ARFGEF1: variants seen among roughly 807,000 people sequenced by gnomAD.
ARFGEF1 encodes the protein brefeldin A-inhibited guanine nucleotide-exchange protein 1.
A neutral mutation model predicts 231.0 loss-of-function variants in ARFGEF1; 42 were observed. That is an observed-to-expected ratio of 0.18 (90% CI 0.14 to 0.24). The LOEUF is 0.24. ARFGEF1 is among the 10% of genes least tolerant of loss of function. The pLI is 1.00. For synonymous variants in ARFGEF1, 710 were observed against 732.3 expected (o/e 0.97, Z 0.49); for missense variants, 1,345 against 2,192.0 (o/e 0.61, Z 7.72).
At chr8:67,262,830 A>T (rs1587159862) in intron 14 of ARFGEF1, among the ~76,000 whole-genome samples, 1 of 152,188 alleles carries the variant, frequency 6.6e-6, no homozygotes, top group African/African-American at 2.4e-5. Flanking sequence ...ATTGTTTTTT[A>T]GACATAAGGG....
chr8:67,189,834 C>A (rs1835719211), intron 5 of ARFGEF1, among the ~76,000 whole-genome samples: 1 of 152,114 alleles, frequency 6.6e-6, no homozygotes, highest in Non-Finnish European at 1.5e-5. Flanking sequence ...TCTAACTTTT[C>A]TTTAGGTATA....
intron 38 of ARFGEF1, 22 bp from the exon 39 acceptor site, chr8:67,199,120 C>A: frequency 1.3e-6 from 2 of 1,597,000 alleles, no homozygotes; most frequent in South Asian, 2.3e-5. Context: ...ATGAATTTCT[C>A]CATTAGTAGT....
chr8:67,338,465 G>A (rs1808450301), intron 1 of ARFGEF1, among the ~76,000 whole-genome samples: 1 of 152,232 alleles, frequency 6.6e-6, no homozygotes, highest in Admixed American at 6.5e-5. Context: ...AAATTGAGCA[G>A]GTGTCTTTCT....
At chr8:67,196,209 T>C (rs1328814112), downstream of ARFGEF1, 1 of 152,292 alleles carries the variant, frequency 6.6e-6, no homozygotes, top group Non-Finnish European at 1.5e-5. Context: ...TTGTTACTAA[T>C]TACATGATGT....
chr8:67,233,571 A>G (rs1446486110), intron 22 of ARFGEF1, among the ~76,000 whole-genome samples: 2 of 151,868 alleles, frequency 1.3e-5, no homozygotes, highest in South Asian at 2.1e-4. Context: ...TCTGTTTTTC[A>G]TATCACCTGT....
In ARFGEF1 at chr8:67,222,178, TAC is replaced by T. The variant is rs202006835; in HGVS notation, c.4209-2620_4209-2619del. Reference sequence around the variant, plus strand: ...CCTTTTCCATGCATATATATATATATACACATATATATATATATATATATATA... The same window carrying T: ...CCTTTTCCATGCATATATATATATATACATATATATATATATATATATATA... On this transcript the variant is annotated intron_variant, in intron 29 of 38. Transcript: ENST00000262215. Among the ~76,000 whole-genome samples the T allele has an allele frequency of 9.0e-4, 101 of 112,280 alleles. No individual in the cohort carries two copies. In the South Asian group the frequency reaches 0.013, roughly 15 times the overall value. The allele number at this position is 112,280 out of a possible 152,430, so 73.7% of individuals were successfully genotyped here.
At chr8:67,241,417 T>C (rs1839923073) in intron 19 of ARFGEF1, among the ~76,000 whole-genome samples, 1 of 152,186 alleles carries the variant, frequency 6.6e-6, no homozygotes, top group African/African-American at 2.4e-5. Flanking sequence ...GTGTATCTAT[T>C]TGGAAGCCTG....
chr8:67,182,879 T>C (rs1253012682), intron 5 of ARFGEF1, among the ~76,000 whole-genome samples: 3 of 152,234 alleles, frequency 2.0e-5, no homozygotes, highest in Non-Finnish European at 4.4e-5. Flanking sequence ...TTCTGGATAT[T>C]ACCCCTTATC....
Position 67,301,146 on chromosome 8 carries a change from C to G in ARFGEF1, c.312+78G>C. ...GTATTCAAAGCTTTCATGGAAATGT[C>G]TGAATCATCAATGTGAGTAATGTTT... On this transcript the variant is annotated intron_variant, in intron 3 of 38. Coordinates refer to ENST00000262215, the MANE Select transcript of ARFGEF1 (RefSeq NM_006421.5). 3.8e-6 allele frequency: 5 copies of G among 1,330,776 alleles called. No individual in the cohort carries two copies. In the South Asian group the frequency reaches 8.7e-5, roughly 23 times the overall value. The allele number at this position is 1,330,776 out of a possible 1,614,324, so 82.4% of individuals were successfully genotyped here. A position where few individuals can be genotyped will look rare whatever the true frequency, so the allele number is the denominator to read the frequency against.
chr8:67,269,350 C>CTTTT (rs796473421), intron 10 of ARFGEF1, among the ~76,000 whole-genome samples: 3 of 128,868 alleles, frequency 2.3e-5, no homozygotes, highest in Non-Finnish European at 3.3e-5. Context: ...CCACGTTCAG[C>CTTTT]TTTTTTTTTT....
Position 67,198,572 on chromosome 8 carries a change from G to C in ARFGEF1, c.*362C>G, listed in dbSNP as rs1406192462. ...TTATCCTTCAAAATACAGCTCTCCTGAGTTGTACTTCTTGTAGAAGTTCAA... is the reference window on the plus strand; with the variant it reads ...TTATCCTTCAAAATACAGCTCTCCTCAGTTGTACTTCTTGTAGAAGTTCAA... On this transcript the variant is annotated 3_prime_UTR_variant, in exon 39 of 39. Coordinates refer to ENST00000262215, the MANE Select transcript of ARFGEF1 (RefSeq NM_006421.5). The C allele has an allele frequency of 9.8e-7, 1 of 1,018,024 alleles. No homozygotes were observed. The highest frequency in any genetic ancestry group is 1.2e-6 in the Non-Finnish European group (1 of 851,860). The allele number at this position is 1,018,024 out of a possible 1,614,324, so 63.1% of individuals were successfully genotyped here.
At chr8:67,326,289 T>C (rs1029961846) in intron 1 of ARFGEF1, among the ~76,000 whole-genome samples, 3 of 152,232 alleles carry the variant, frequency 2.0e-5, no homozygotes, top group African/African-American at 7.2e-5. Context: ...AAATAACTGA[T>C]AAATGGCAGT....
chr8:67,179,746 A>G (rs1832569634), intron 5 of ARFGEF1: 4 of 683,282 alleles, frequency 5.9e-6, no homozygotes, highest in South Asian at 3.5e-5. Context: ...TCCTACCTCT[A>G]CCCATCCTCT....
At chr8:67,258,382 G>C (rs1343311123) in intron 15 of ARFGEF1, 92 bp from the exon 16 acceptor site, 1 of 899,722 alleles carries the variant, frequency 1.1e-6, no homozygotes, top group Non-Finnish European at 1.6e-6. Context: ...CTGGGGTGCA[G>C]TGGCACGATC....
chr8:67,343,140 C>G, intron 1 of ARFGEF1, 24 bp downstream of exon 1: 1 of 1,348,280 alleles, frequency 7.4e-7, no homozygotes, highest in Non-Finnish European at 1.0e-6. Flanking sequence ...AGCACCCCAT[C>G]CCCCGGGCCT....
chr8:67,180,919 C>T (rs1832856247), intron 5 of ARFGEF1, among the ~76,000 whole-genome samples: 1 of 151,938 alleles, frequency 6.6e-6, no homozygotes, highest in South Asian at 2.1e-4. Flanking sequence ...TTTCTGCTAT[C>T]CTAGGGCCAT....
At chr8:67,326,836 TAA>T (rs1168751390) in intron 1 of ARFGEF1, among the ~76,000 whole-genome samples, 1 of 152,224 alleles carries the variant, frequency 6.6e-6, no homozygotes, top group African/African-American at 2.4e-5. Flanking sequence ...TCAATGACAT[TAA>T]GTCAGGATTT....
At chr8:67,301,594 C>T (rs1017204399) in intron 2 of ARFGEF1, among the ~76,000 whole-genome samples, 1 of 152,142 alleles carries the variant, frequency 6.6e-6, no homozygotes, top group African/African-American at 2.4e-5. Flanking sequence ...AACCACAAGA[C>T]GCTGAAATCT....
At chr8:67,311,397 C>T (rs1251094916) in intron 1 of ARFGEF1, among the ~76,000 whole-genome samples, 1 of 139,734 alleles carries the variant, frequency 7.2e-6, no homozygotes, top group Non-Finnish European at 1.6e-5. Context: ...CAGCCAGCCG[C>T]CCCGTCCGGG....
Sources: gnomAD v4.1 joint callset for allele counts (sites outside exome capture counted in the v4.1 genomes callset) on GRCh38, gnomAD v4.1.1 for gene constraint, MANE v1.5 for transcripts, NCBI Gene and HGNC (gene_info 2026-07-23, HGNC 2026-07-21) for gene names.